Variants in ARGFX observed in about 807,000 individuals in gnomAD.
ARGFX encodes the protein arginine-fifty homeobox.
In ARGFX, 10 loss-of-function variants were observed where a neutral mutation model predicts 8.0. The ratio of observed to expected loss-of-function variants is 1.25; its 90% confidence interval spans 0.77 to 2.12. The LOEUF is 2.12. ARGFX is among the 30% of genes most tolerant of loss of function. The pLI is 0.00. For synonymous variants in ARGFX, 116 were observed against 117.8 expected, an observed-to-expected ratio of 0.98 and a Z score of 0.10; for missense variants, 282 against 324.3, an observed-to-expected ratio of 0.87 and a Z score of 1.00.
At chr3:121,579,537 C>G (rs1166360951) in intron 3 of ARGFX, among the ~76,000 whole-genome samples, 5 of 151,952 alleles carry the variant, frequency 3.3e-5, no homozygotes, top group African/African-American at 4.9e-5. Flanking sequence ...CCAGCAAGCT[C>G]TGTTCCCCTG....
At chr3:121,577,259 A>ATATATATATATATATTTTTT (rs1403064031) in intron 3 of ARGFX, among the ~76,000 whole-genome samples, 1 of 59,644 alleles carries the variant, frequency 1.7e-5, no homozygotes, top group African/African-American at 6.2e-5. Context: ...ATATATATAT[A>ATATATATATATATATTTTTT]TTTTTTTTTT....
rs1351312787 is a variant in ARGFX at position 121,587,985 on chromosome 3, A to T, written c.*1385A>T. Among the ~76,000 whole-genome samples the T allele has an allele frequency of 6.6e-6, 1 of 151,862 alleles. No homozygotes were observed. The highest frequency in any genetic ancestry group is 2.4e-5 in the African/African-American group (1 of 41,358). ...AAATAATATATATATATATAGTACA[A>T]TGGTCCAGACATAATAAGAGGTGTA... On this transcript the variant is annotated 3_prime_UTR_variant, in exon 5 of 5. Coordinates refer to ENST00000334384, the MANE Select transcript of ARGFX (RefSeq NM_001012659.2).
intron 3 of ARGFX, among the ~76,000 whole-genome samples, chr3:121,584,700 C>CA (rs1296597107): frequency 6.6e-6 from 1 of 152,166 alleles, no homozygotes; most frequent in Non-Finnish European, 1.5e-5. Context: ...CTATCAGAGA[C>CA]AAAATCTCAG....
Position 121,588,238 on chromosome 3 carries a change from C to T in ARGFX, c.*1638C>T, listed in dbSNP as rs570694235. Among the ~76,000 whole-genome samples the T allele has an allele frequency of 7.0e-5, 10 of 143,400 alleles. No homozygotes were observed. Among genetic ancestry groups the T allele is most frequent in the South Asian group, 2.3e-4 (1 of 4,368 alleles). 94.1% of individuals were successfully genotyped at this position (143,400 alleles called of 152,430 possible). Reference sequence around the variant, plus strand: ...ATCCCAGCACTTTGGGAGGCCGAGGCGGGCGGATCACGAGGTCAGGAGATT... The same window carrying T: ...ATCCCAGCACTTTGGGAGGCCGAGGTGGGCGGATCACGAGGTCAGGAGATT... On this transcript the variant is annotated 3_prime_UTR_variant, in exon 5 of 5. Coordinates refer to ENST00000334384, the MANE Select transcript of ARGFX (RefSeq NM_001012659.2).
At chr3:121,582,967 A>G in intron 3 of ARGFX, among the ~76,000 whole-genome samples, 2 of 151,810 alleles carry the variant, frequency 1.3e-5, no homozygotes, top group Non-Finnish European at 2.9e-5. Context: ...TGGCCTCCCA[A>G]AGTGCTGGGA....
chr3:121,574,824 A>C (rs1336949093), intron 2 of ARGFX, among the ~76,000 whole-genome samples: 2 of 152,196 alleles, frequency 1.3e-5, no homozygotes, highest in Admixed American at 6.5e-5. Context: ...CACACAGTAC[A>C]TGGCTAAGAA....
rs2048823524 is a variant in ARGFX at position 121,588,150 on chromosome 3, T to C, written c.*1550T>C. 1.3e-5 allele frequency among the ~76,000 whole-genome samples: 2 copies of C among 151,808 alleles called. No individual in the cohort carries two copies. Among genetic ancestry groups the C allele is most frequent in the Non-Finnish European group, 2.9e-5 (2 of 67,956 alleles). ...CCACATGATCAACCTACAAAATTAA[T>C]ACCATTTCTGAACACCAGTAATAAA... On this transcript the variant is annotated 3_prime_UTR_variant, in exon 5 of 5. Coordinates refer to ENST00000334384, the MANE Select transcript of ARGFX (RefSeq NM_001012659.2).
At chr3:121,578,776 T>C (rs1402055081) in intron 3 of ARGFX, among the ~76,000 whole-genome samples, 5 of 151,486 alleles carry the variant, frequency 3.3e-5, no homozygotes, top group African/African-American at 9.7e-5. Context: ...GTTCATGCCA[T>C]TCTCCTGCCT....
intron 2 of ARGFX, among the ~76,000 whole-genome samples, chr3:121,572,236 GTTTTTTTT>G (rs35928051): frequency 3.9e-5 from 5 of 128,068 alleles, no homozygotes; most frequent in Non-Finnish European, 4.8e-5. Flanking sequence ...TATTATTGTT[GTTTTTTTT>G]TTTTTTTTTT....
intron 2 of ARGFX, among the ~76,000 whole-genome samples, chr3:121,571,223 T>C (rs2048706125): frequency 6.6e-6 from 1 of 152,202 alleles, no homozygotes; most frequent in African/African-American, 2.4e-5. Context: ...GATTCATTTA[T>C]ATAAGGTGGA....
chr3:121,577,686 T>C (rs1182560983), intron 3 of ARGFX, among the ~76,000 whole-genome samples: 2 of 152,350 alleles, frequency 1.3e-5, no homozygotes, highest in Middle Eastern at 3.4e-3. Context: ...CCACACATTA[T>C]TGTAGTGTAT....
intron 2 of ARGFX, among the ~76,000 whole-genome samples, chr3:121,571,686 C>T (rs1002704845): frequency 6.6e-6 from 1 of 151,328 alleles, no homozygotes; most frequent in African/African-American, 2.4e-5. Flanking sequence ...GCCTCAGCCT[C>T]CCAGGTAGCT....
rs1356523030 is a variant in ARGFX, at chr3:121,588,318, A to C, written c.*1718A>C. Among the ~76,000 whole-genome samples the C allele has an allele frequency of 6.8e-6, 1 of 147,020 alleles. No homozygotes were observed. Among genetic ancestry groups the C allele is most frequent in the African/African-American group, 2.5e-5 (1 of 40,428 alleles). On this transcript the variant is annotated 3_prime_UTR_variant, in exon 5 of 5. Transcript: ENST00000334384. The stretch of plus-strand genomic sequence containing the variant: ...CCGTCTCTACTAAAAATACAAAAAA[A>C]AAAAAAAAAAAAAGCCAGGCATGGT...
intron 3 of ARGFX, among the ~76,000 whole-genome samples, chr3:121,582,381 T>C (rs939280682): frequency 8.5e-5 from 13 of 152,136 alleles, no homozygotes; most frequent in Admixed American, 8.5e-4. Flanking sequence ...CTCAGAATAT[T>C]TAAGATATGG....
chr3:121,585,550 G>A (rs1022694884), intron 4 of ARGFX, among the ~76,000 whole-genome samples: 1 of 151,570 alleles, frequency 6.6e-6, no homozygotes, highest in African/African-American at 2.4e-5. Context: ...ATGTTGCCCA[G>A]GCTGGTCTCA....
In ARGFX at chr3:121,586,706, GT is replaced by G. The variant is rs1244561803; in HGVS notation, c.*107del. On this transcript the variant is annotated 3_prime_UTR_variant, in exon 5 of 5. Coordinates refer to ENST00000334384, the MANE Select transcript of ARGFX (RefSeq NM_001012659.2). ...ATTTTAACCCAACATCTGGGTCTGTGTCTCTGATTTCCATGTAAATGTTGCA... is the reference window on the plus strand; with the variant it reads ...ATTTTAACCCAACATCTGGGTCTGTGCTCTGATTTCCATGTAAATGTTGCA... 2.1e-6 allele frequency: 2 copies of G among 961,768 alleles called. No individual in the cohort carries two copies. Among genetic ancestry groups the G allele is most frequent in the Admixed American group, 5.6e-5 (2 of 35,768 alleles). The allele number at this position is 961,768 out of a possible 1,614,324, so 59.6% of individuals were successfully genotyped here.
intron 2 of ARGFX, among the ~76,000 whole-genome samples, chr3:121,575,775 T>C (rs2048732510): frequency 6.6e-6 from 1 of 152,102 alleles, no homozygotes. Context: ...TTAGCCAGCA[T>C]GGTGGTGAGC....
intron 3 of ARGFX, among the ~76,000 whole-genome samples, chr3:121,577,804 T>C (rs926983837): frequency 1.3e-5 from 2 of 151,902 alleles, no homozygotes; most frequent in African/African-American, 4.8e-5. Context: ...TTTGTGTGTG[T>C]GGCAAGGTCT....
rs531424959 is a variant in ARGFX at position 121,586,601 on chromosome 3, C to G, written c.*1C>G. The G allele has an allele frequency of 6.2e-7, 1 of 1,607,550 alleles. No individual in the cohort carries two copies. The highest frequency in any genetic ancestry group is 2.2e-5 in the East Asian group (1 of 44,848). ...TATGGTAGACTTGGGATTTCTCTGA[C>G]CAGAGTACTAATAAATATAGATCAT... On this transcript the variant is annotated 3_prime_UTR_variant, in exon 5 of 5. Coordinates refer to ENST00000334384, the MANE Select transcript of ARGFX (RefSeq NM_001012659.2).
Sources: gnomAD v4.1 joint callset for allele counts (sites outside exome capture counted in the v4.1 genomes callset) on GRCh38, gnomAD v4.1.1 for gene constraint, MANE v1.5 for transcripts, NCBI Gene and HGNC (gene_info 2026-07-23, HGNC 2026-07-21) for gene names.